The following IKZF1 variants were observed in gnomAD, a reference collection of about 807,000 sequenced individuals.
The protein encoded by IKZF1 is IKAROS family zinc finger 1.
IKZF1 carries 10 observed loss-of-function variants against 51.7 expected under a neutral mutation model. The ratio of observed to expected loss-of-function variants is 0.19; its 90% CI spans 0.12 to 0.33. The LOEUF is 0.33. Among genes scored for constraint, IKZF1 ranks in the 10% least tolerant of loss-of-function variants. IKZF1 has a pLI of 1.00. For synonymous variants in IKZF1, 280 were observed against 282.3 expected, an observed-to-expected ratio of 0.99 and a Z score of 0.08; for missense variants, 484 against 707.5, an observed-to-expected ratio of 0.68 and a Z score of 3.58.
intron 1 of IKZF1, among the ~76,000 whole-genome samples, chr7:50,311,986 T>C (rs1032956119): frequency 5.3e-5 from 8 of 152,316 alleles, no homozygotes; most frequent in Non-Finnish European, 7.3e-5. Context: ...ACCTGGGGCA[T>C]GTCTGTGTGG....
chr7:50,336,156 G>A (rs941446579), intron 3 of IKZF1, among the ~76,000 whole-genome samples: 9 of 152,150 alleles, frequency 5.9e-5, no homozygotes, highest in Non-Finnish European at 7.4e-5. Context: ...TGCAGCCCGT[G>A]GCCAGGCTGG....
At chr7:50,313,963 C>G (rs1161752689) in intron 1 of IKZF1, among the ~76,000 whole-genome samples, 3 of 152,136 alleles carry the variant, frequency 2.0e-5, no homozygotes, top group Non-Finnish European at 2.9e-5. Flanking sequence ...GCAGCCTTTT[C>G]CTGGCACACT....
At chr7:50,343,442 C>T (rs900112540) in intron 3 of IKZF1, among the ~76,000 whole-genome samples, 8 of 152,106 alleles carry the variant, frequency 5.3e-5, no homozygotes, top group Non-Finnish European at 1.0e-4. Flanking sequence ...ATCAGGCACA[C>T]CATCCTGTGT....
intron 3 of IKZF1, chr7:50,369,423 TAA>T (rs1486542097): frequency 2.5e-6 from 1 of 398,256 alleles, no homozygotes; most frequent in Admixed American, 4.4e-5. Context: ...ACAGTTTTTA[TAA>T]AAGAGATGAT....
chr7:50,373,978 A>G lies in IKZF1; in HGVS notation c.161-2555A>G, dbSNP rs574240661. On this transcript the variant is annotated intron_variant, in intron 3 of 7. Transcript: ENST00000331340. ...CTGATCTTCAGGATCTGAAGGGGAG[A>G]GCATTTGAAGAATCCCCATTGCTGG... 3.9e-4 allele frequency among the ~76,000 whole-genome samples: 60 copies of G among 152,222 alleles called. 2 individuals are homozygous for G. In the South Asian group the frequency reaches 0.012, roughly 31 times the overall value.
intron 5 of IKZF1, among the ~76,000 whole-genome samples, 174 bp downstream of exon 5, chr7:50,382,881 A>G (rs1025473788): frequency 1.4e-5 from 2 of 147,738 alleles, no homozygotes; most frequent in African/African-American, 5.1e-5. Context: ...CCCCCTCCCC[A>G]TATTCTCCTT....
At chr7:50,356,496 G>A (rs997135748) in intron 3 of IKZF1, among the ~76,000 whole-genome samples, 15 of 152,138 alleles carry the variant, frequency 9.9e-5, no homozygotes, top group Non-Finnish European at 2.1e-4. Flanking sequence ...CTTTGTGCCT[G>A]TGTTTCTGTG....
At chr7:50,360,730 C>T (rs12718597) in intron 3 of IKZF1, among the ~76,000 whole-genome samples, 27 of 152,146 alleles carry the variant, frequency 1.8e-4, no homozygotes, top group African/African-American at 3.9e-4. Context: ...TGACGACTGC[C>T]GAGCTCCGCA....
At chr7:50,386,123 C>T (rs74992679) in intron 5 of IKZF1, among the ~76,000 whole-genome samples, 2,110 of 152,292 alleles carry the variant, frequency 0.014, 34 homozygotes, top group East Asian at 0.053. Flanking sequence ...ATTGATATTC[C>T]TTACATAAGT....
At chr7:50,344,325 C>T (rs1429718355) in intron 3 of IKZF1, among the ~76,000 whole-genome samples, 1 of 152,176 alleles carries the variant, frequency 6.6e-6, no homozygotes, top group African/African-American at 2.4e-5. Flanking sequence ...ATGTAGATGA[C>T]CCAGGCCACA....
At chr7:50,356,153 T>G (rs189161355) in intron 3 of IKZF1, among the ~76,000 whole-genome samples, 52 of 152,380 alleles carry the variant, frequency 3.4e-4, no homozygotes, top group African/African-American at 1.1e-3. Context: ...TTCTTTTCCA[T>G]TAGTCCACTT....
chr7:50,304,896 G>T lies in IKZF1; in HGVS notation c.-41G>T, dbSNP rs763810387. The T allele has an allele frequency of 1.3e-5, 2 of 152,672 alleles. No homozygotes were observed. Among genetic ancestry groups the T allele is most frequent in the African/African-American group, 4.8e-5 (2 of 41,428 alleles). The allele number at this position is 152,672 out of a possible 1,614,324, so 9.5% of individuals were successfully genotyped here. A position where few individuals can be genotyped will look rare whatever the true frequency, so the allele number is the denominator to read the frequency against. ...TCTTCGCACCCGAGGATCAGTCTTG[G>T]CCCCAAAGCGCGACGCACAAATCCA... On this transcript the variant is annotated 5_prime_UTR_variant, in exon 1 of 8. Transcript: ENST00000331340.
chr7:50,318,547 C>T (rs1792223714), intron 1 of IKZF1: 1 of 223,250 alleles, frequency 4.5e-6, no homozygotes, highest in Non-Finnish European at 8.9e-6. Flanking sequence ...AGTTGCTGCT[C>T]AGATATGCAG....
At chr7:50,371,906 CTGAT>C (rs1270975727) in intron 3 of IKZF1, among the ~76,000 whole-genome samples, 1 of 152,222 alleles carries the variant, frequency 6.6e-6, no homozygotes, top group African/African-American at 2.4e-5. Context: ...GTCCACATCT[CTGAT>C]TGAGCATACC....
upstream of IKZF1, chr7:50,304,544 G>C (rs1217259187): frequency 6.7e-6 from 1 of 150,058 alleles, no homozygotes; most frequent in East Asian, 2.0e-4. Context: ...CGGGGCCCGC[G>C]GGCGGCGCTG....
At chr7:50,366,236 T>G (rs1159195189) in intron 3 of IKZF1, among the ~76,000 whole-genome samples, 1 of 152,078 alleles carries the variant, frequency 6.6e-6, no homozygotes, top group African/African-American at 2.4e-5. Flanking sequence ...AACCCGCACA[T>G]GTACTCCTGA....
At chr7:50,384,910 A>C (rs1812927934) in intron 5 of IKZF1, among the ~76,000 whole-genome samples, 1 of 152,214 alleles carries the variant, frequency 6.6e-6, no homozygotes, top group Admixed American at 6.5e-5. Flanking sequence ...CTCTGATTGC[A>C]ATGGAATCTC....
Position 50,344,136 on chromosome 7 carries a change from C to T in IKZF1, c.160+16379C>T, listed in dbSNP as rs1213879685. 2.6e-5 allele frequency among the ~76,000 whole-genome samples: 4 copies of T among 152,274 alleles called. No individual in the cohort carries two copies. The East Asian group carries it at 5.8e-4, about 22-fold the overall frequency. On this transcript the variant is annotated intron_variant, in intron 3 of 7. Transcript: ENST00000331340. ...CTTCAGTTCTCTGCCTTACCAGAAT[C>T]GGGATGTGTGGGGCAGGCCTACCTC...
intron 5 of IKZF1, among the ~76,000 whole-genome samples, chr7:50,385,419 G>A (rs1435114017): frequency 1.3e-5 from 2 of 152,206 alleles, no homozygotes; most frequent in African/African-American, 4.8e-5. Context: ...TTATGAACTA[G>A]CATGTTAGCA....
Sources: gnomAD v4.1 joint callset for allele counts (sites outside exome capture counted in the v4.1 genomes callset) on GRCh38, gnomAD v4.1.1 for gene constraint, MANE v1.5 for transcripts, NCBI Gene and HGNC (gene_info 2026-07-23, HGNC 2026-07-21) for gene names.